The following PSMD1 variants were observed in gnomAD, a reference collection of about 807,000 sequenced individuals.
PSMD1 encodes the protein 26S proteasome non-ATPase regulatory subunit 1.
In PSMD1, 18 loss-of-function variants were observed where a neutral mutation model predicts 119.0. The observed-to-expected ratio is 0.15, with a 90% CI of 0.10 to 0.22. PSMD1 has a LOEUF of 0.22. Ranked by LOEUF, PSMD1 falls within the 10% of genes least tolerant of loss-of-function variation. PSMD1 has a pLI of 1.00. For missense variants in PSMD1, 702 were observed against 1,158.5 expected (o/e 0.61, Z 5.72); for synonymous variants, 374 against 396.6 (o/e 0.94, Z 0.68).
chr2:231,077,881 C>A (rs1400343701), intron 9 of PSMD1, among the ~76,000 whole-genome samples: 3 of 152,136 alleles, frequency 2.0e-5, no homozygotes, highest in Non-Finnish European at 2.9e-5. Context: ...ACTTTTAATA[C>A]AATTTTTGCA....
chr2:231,070,666 G>A (rs577055372), intron 6 of PSMD1, among the ~76,000 whole-genome samples: 1 of 152,116 alleles, frequency 6.6e-6, no homozygotes, highest in South Asian at 2.1e-4. Context: ...AAAATGAAAA[G>A]TAAGGCTTCT....
At chr2:231,166,206 T>C (rs530705534) in intron 23 of PSMD1, among the ~76,000 whole-genome samples, 189 bp downstream of exon 23, 66 of 152,356 alleles carry the variant, frequency 4.3e-4, no homozygotes, top group Non-Finnish European at 8.7e-4. Flanking sequence ...TTCTTTTCCC[T>C]GTGTAACCCT....
chr2:231,105,489 T>A (rs188614967), intron 16 of PSMD1, among the ~76,000 whole-genome samples: 1 of 152,166 alleles, frequency 6.6e-6, no homozygotes, highest in East Asian at 1.9e-4. Context: ...AGAATTGGTC[T>A]TTGTATATCT....
At position 231,153,635 on chromosome 2, in the gene PSMD1, C is replaced by T. The variant is rs140861367; in HGVS notation, c.2187C>T (p.Gly729=). 63 of 1,613,208 alleles carry T rather than the reference C, an allele frequency of 3.9e-5. No individual in the cohort carries two copies. Among genetic ancestry groups the T allele is most frequent in the African/African-American group, 1.2e-4 (9 of 74,834 alleles). Residue 729 remains glycine (G), a synonymous_variant, in exon 19 of 25, where the codon GGC becomes GGT. Transcript: ENST00000308696. ...ATGATGATGTCATGGCCAAGTTTGGCGCTATTCTGGCCCAGGGCATACTGG... is the reference window on the plus strand; with the variant it reads ...ATGATGATGTCATGGCCAAGTTTGGTGCTATTCTGGCCCAGGGCATACTGG... ...DKHDDVMAKF[G]AILAQGILDA...
chr2:231,153,072 T>C (rs897969956), intron 18 of PSMD1, among the ~76,000 whole-genome samples: 2 of 152,186 alleles, frequency 1.3e-5, no homozygotes, highest in South Asian at 4.1e-4. Context: ...TTAATGTGAG[T>C]AGATAATGGA....
intron 16 of PSMD1, among the ~76,000 whole-genome samples, chr2:231,095,567 G>T (rs1264977511): frequency 6.6e-6 from 1 of 152,178 alleles, no homozygotes; most frequent in Non-Finnish European, 1.5e-5. Context: ...TGATTGACAT[G>T]ATACTGACAC....
At chr2:231,153,147 AT>A (rs1278288773) in intron 18 of PSMD1, among the ~76,000 whole-genome samples, 7 of 152,204 alleles carry the variant, frequency 4.6e-5, no homozygotes, top group Non-Finnish European at 8.8e-5. Context: ...GTGAAGGGTA[AT>A]TTACTTTAAG....
At chr2:231,162,901 T>C (rs931269014) in intron 20 of PSMD1, among the ~76,000 whole-genome samples, 1 of 149,136 alleles carries the variant, frequency 6.7e-6, no homozygotes, top group African/African-American at 2.5e-5. Context: ...ATTGAGACCA[T>C]CCTGGCTAAC....
chr2:231,144,975 C>T (rs1417794052), intron 17 of PSMD1, among the ~76,000 whole-genome samples: 1 of 152,058 alleles, frequency 6.6e-6, no homozygotes, highest in Non-Finnish European at 1.5e-5. Flanking sequence ...TTTTTTATGA[C>T]CTCTTACCTC....
chr2:231,159,924 G>A (rs1160601205), intron 19 of PSMD1, among the ~76,000 whole-genome samples: 1 of 152,176 alleles, frequency 6.6e-6, no homozygotes, highest in African/African-American at 2.4e-5. Context: ...TCACAATAAG[G>A]TTCACATTCC....
chr2:231,069,903 G>A (rs1436993321), intron 5 of PSMD1, 122 bp from the exon 6 acceptor site: 8 of 691,356 alleles, frequency 1.2e-5, no homozygotes, highest in South Asian at 6.0e-5. Context: ...TATTGCTTAA[G>A]AGGTCTAAAT....
intron 17 of PSMD1, among the ~76,000 whole-genome samples, chr2:231,144,130 G>A (rs112912107): frequency 0.022 from 3,410 of 151,984 alleles, 138 homozygotes; most frequent in African/African-American, 0.077. Flanking sequence ...ACTATGTTGC[G>A]CAGGCTAGTC....
intron 16 of PSMD1, among the ~76,000 whole-genome samples, chr2:231,117,576 A>G (rs1695387985): frequency 6.6e-6 from 1 of 152,174 alleles, no homozygotes; most frequent in African/African-American, 2.4e-5. Flanking sequence ...TATCTAAAGA[A>G]TATCAGTAGC....
intron 19 of PSMD1, among the ~76,000 whole-genome samples, chr2:231,159,536 A>G (rs956399675): frequency 6.6e-6 from 1 of 152,198 alleles, no homozygotes; most frequent in Non-Finnish European, 1.5e-5. Context: ...TGTACTTTAC[A>G]GTTTGCTTCA....
chr2:231,139,640 A>G (rs1421958821), intron 17 of PSMD1, among the ~76,000 whole-genome samples: 1 of 151,612 alleles, frequency 6.6e-6, no homozygotes. Context: ...AGGTTATTTT[A>G]TATGATTATG....
At position 231,170,146 on chromosome 2, in the gene PSMD1, A is replaced by T. The variant is rs1696881733; in HGVS notation, c.2716-420A>T. Among the ~76,000 whole-genome samples, 1 of 152,208 alleles carries T rather than the reference A, an allele frequency of 6.6e-6. No individual in the cohort carries two copies. ...GTTAGAATGCAGATTCTGCAGATCT[A>T]GGGTGGGGCCAGCTTTTCTGCATTT... On this transcript the variant is annotated intron_variant, in intron 23 of 24. Transcript: ENST00000308696. This position sits in a 1 kb window ranked among gnomAD's most constrained non-coding sequence, Gnocchi z 4.1.
chr2:231,138,819 T>C lies in PSMD1; in HGVS notation c.1967T>C (p.Leu656Ser). Residue 656 changes from leucine to serine, a missense_variant, in exon 17 of 25, where the codon TTG (leucine) becomes TCG (serine). By Grantham distance (145) the Leu-to-Ser change is moderately radical. Around this residue, in one of 9 missense-constraint regions of PSMD1, gnomAD observed 272 missense variants for 511.6 expected, o/e 0.53. Transcript: ENST00000308696. ...GTGCGCTACGGAGCTGCAATGGCCT[T>C]GGGGATATGCTGTGCTGGTACAGGA... ...PHVRYGAAMA[L>S]GICCAGTGNK... The C allele has an allele frequency of 6.2e-7, 1 of 1,614,050 alleles. No individual in the cohort carries two copies. Among genetic ancestry groups the C allele is most frequent in the Non-Finnish European group, 8.5e-7 (1 of 1,179,966 alleles).
chr2:231,089,455 A>G (rs899856147), intron 16 of PSMD1, among the ~76,000 whole-genome samples: 9 of 152,192 alleles, frequency 5.9e-5, no homozygotes, highest in African/African-American at 1.7e-4. Flanking sequence ...GTTGAAGCCA[A>G]TGCTCTTGTA....
chr2:231,162,381 A>T (rs1696661518), intron 20 of PSMD1, among the ~76,000 whole-genome samples: 1 of 152,248 alleles, frequency 6.6e-6, no homozygotes. Flanking sequence ...ATTTTTCAGT[A>T]TAGCTGTACA....
Sources: gnomAD v4.1 joint callset for allele counts (sites outside exome capture counted in the v4.1 genomes callset) on GRCh38, gnomAD v4.1.1 for gene constraint, gnomAD v4.1.1 regional missense constraint, Gnocchi (gnomAD v3.1) non-coding constraint, MANE v1.5 for transcripts, NCBI Gene and HGNC (gene_info 2026-07-23, HGNC 2026-07-21) for gene names.